Variants in LCLAT1 observed in about 807,000 individuals in gnomAD.
The protein encoded by LCLAT1 is 1-AGP acyltransferase 8.
A neutral mutation model predicts 30.7 loss-of-function variants in LCLAT1; 11 were observed. The observed-to-expected ratio is 0.36, with a 90% CI of 0.23 to 0.59. The LOEUF (loss-of-function observed/expected upper bound fraction) is 0.59, where lower values mean the gene tolerates loss of function less well. Among genes scored for constraint, LCLAT1 ranks in the 20% least tolerant of loss-of-function variants. The pLI, the probability that LCLAT1 is intolerant of heterozygous loss-of-function variation, is 0.77. For synonymous variants in LCLAT1, 155 were observed against 151.3 expected, an observed-to-expected ratio of 1.02 and a Z score of -0.18; for missense variants, 402 against 458.6, an observed-to-expected ratio of 0.88 and a Z score of 1.13.
rs1665490837 is a variant in LCLAT1 at position 30,566,516 on chromosome 2, A to G, written c.512-1544A>G. Among the ~76,000 whole-genome samples the G allele has an allele frequency of 2.6e-5, 4 of 152,224 alleles. No individual in the cohort carries two copies. In the South Asian group the frequency reaches 6.2e-4, roughly 24 times the overall value. ...ATCATAAAATGATGTAACACCTTCTATAGGAGTGTTCTTTGAATATTTCAG... is the reference window on the plus strand; with the variant it reads ...ATCATAAAATGATGTAACACCTTCTGTAGGAGTGTTCTTTGAATATTTCAG... On this transcript the variant is annotated intron_variant, in intron 4 of 5. Transcript: ENST00000379509.
intron 2 of LCLAT1, among the ~76,000 whole-genome samples, chr2:30,526,740 C>A (rs766735111): frequency 2.2e-4 from 33 of 152,182 alleles, no homozygotes; most frequent in Non-Finnish European, 3.8e-4. Flanking sequence ...ATGAACAGGA[C>A]AGATATGATC....
At chr2:30,567,636 C>T (rs965714420) in intron 4 of LCLAT1, among the ~76,000 whole-genome samples, 2 of 152,110 alleles carry the variant, frequency 1.3e-5, no homozygotes, top group African/African-American at 4.8e-5. Flanking sequence ...GGCAGTTACC[C>T]GAGACAGCCA....
intron 1 of LCLAT1, among the ~76,000 whole-genome samples, chr2:30,521,489 CTT>C (rs1685469048): frequency 1.8e-5 from 1 of 55,560 alleles, no homozygotes; most frequent in Non-Finnish European, 3.2e-5. Flanking sequence ...TAAACTACTT[CTT>C]CTTTTTTTTT....
At chr2:30,640,089 T>C (rs766386960) in intron 5 of LCLAT1, 28 bp from the exon 6 acceptor site, 1 of 1,577,126 alleles carries the variant, frequency 6.3e-7, no homozygotes, top group Admixed American at 1.8e-5. Flanking sequence ...CACTGCTTAA[T>C]CTATGTTTTC....
intron 5 of LCLAT1, among the ~76,000 whole-genome samples, chr2:30,569,379 A>G (rs895450641): frequency 6.6e-6 from 1 of 152,234 alleles, no homozygotes; most frequent in Non-Finnish European, 1.5e-5. Context: ...AAGAAAAGGT[A>G]ACTATTCGGA....
At chr2:30,637,083 T>C (rs1020498070) in intron 5 of LCLAT1, among the ~76,000 whole-genome samples, 3 of 152,184 alleles carry the variant, frequency 2.0e-5, no homozygotes, top group Non-Finnish European at 4.4e-5. Context: ...ATCTGGCTAA[T>C]TGGCATGACA....
At chr2:30,499,632 A>G (rs544590111) in intron 1 of LCLAT1, among the ~76,000 whole-genome samples, 25 of 152,336 alleles carry the variant, frequency 1.6e-4, no homozygotes, top group African/African-American at 5.8e-4. Context: ...TGTATAGGCA[A>G]TGTGGCTTTT....
chr2:30,513,577 C>T (rs552830884), intron 1 of LCLAT1, among the ~76,000 whole-genome samples: 6 of 152,234 alleles, frequency 3.9e-5, no homozygotes, highest in African/African-American at 1.4e-4. Flanking sequence ...CCTTTAAACT[C>T]TCTGCAGTTT....
At chr2:30,527,513 T>C (rs1401431293) in intron 2 of LCLAT1, among the ~76,000 whole-genome samples, 4 of 152,202 alleles carry the variant, frequency 2.6e-5, no homozygotes, top group Non-Finnish European at 5.9e-5. Context: ...TTGTAATGCT[T>C]TACAGTGTCC....
chr2:30,498,972 T>C (rs1684239347), intron 1 of LCLAT1, among the ~76,000 whole-genome samples: 1 of 152,192 alleles, frequency 6.6e-6, no homozygotes, highest in Admixed American at 6.5e-5. Flanking sequence ...GTAAATCAAC[T>C]ACCAGGCAGT....
chr2:30,605,402 A>C (rs1233492700), intron 5 of LCLAT1, among the ~76,000 whole-genome samples: 1 of 152,200 alleles, frequency 6.6e-6, no homozygotes, highest in African/African-American at 2.4e-5. Flanking sequence ...CATGGCTTTA[A>C]TTCCCTTTGT....
At chr2:30,506,052 A>C (rs189136028) in intron 1 of LCLAT1, among the ~76,000 whole-genome samples, 3 of 152,096 alleles carry the variant, frequency 2.0e-5, no homozygotes, top group East Asian at 1.9e-4. Context: ...TTTTGGGTAC[A>C]TATAACTGAA....
intron 1 of LCLAT1, among the ~76,000 whole-genome samples, chr2:30,499,008 A>G (rs1162709135): frequency 6.6e-6 from 1 of 152,216 alleles, no homozygotes; most frequent in African/African-American, 2.4e-5. Context: ...CTTAGCAGTA[A>G]GGAAAATAAA....
intron 5 of LCLAT1, among the ~76,000 whole-genome samples, chr2:30,609,567 C>G (rs1002704839): frequency 1.3e-5 from 2 of 152,020 alleles, no homozygotes; most frequent in East Asian, 1.9e-4. Context: ...CCACTTGATT[C>G]TTTTAGAATG....
At chr2:30,524,402 C>T (rs1265270004) in intron 1 of LCLAT1, among the ~76,000 whole-genome samples, 1 of 152,216 alleles carries the variant, frequency 6.6e-6, no homozygotes, top group Non-Finnish European at 1.5e-5. Context: ...TCAATGTACT[C>T]TGCTAACTTG....
chr2:30,460,054 G>GA (rs1236411533), intron 1 of LCLAT1, among the ~76,000 whole-genome samples: 3 of 152,112 alleles, frequency 2.0e-5, no homozygotes, highest in Admixed American at 1.3e-4. Flanking sequence ...AAATTTTTTG[G>GA]AGGTTATCCC....
At chr2:30,459,535 A>G in intron 1 of LCLAT1, 3 of 963,442 alleles carry the variant, frequency 3.1e-6, no homozygotes. Flanking sequence ...TTTTTCTCCC[A>G]TTTGTCCTGT....
At chr2:30,533,079 A>G (rs1193413603) in intron 2 of LCLAT1, 37 bp from the exon 3 acceptor site, 2 of 1,441,168 alleles carry the variant, frequency 1.4e-6, no homozygotes, top group Non-Finnish European at 2.0e-6. Context: ...GGAAAATCAT[A>G]ACTTTAATTT....
intron 5 of LCLAT1, among the ~76,000 whole-genome samples, chr2:30,603,470 C>CT (rs778665083): frequency 0.012 from 1,696 of 142,676 alleles, 17 homozygotes; most frequent in East Asian, 0.043. Flanking sequence ...TCAATTTTTG[C>CT]TTTTTTTTTT....
Sources: gnomAD v4.1 joint callset for allele counts (sites outside exome capture counted in the v4.1 genomes callset) on GRCh38, gnomAD v4.1.1 for gene constraint, MANE v1.5 for transcripts, NCBI Gene and HGNC (gene_info 2026-07-23, HGNC 2026-07-21) for gene names.